Variants in CPPED1 observed in about 807,000 individuals in gnomAD.
CPPED1 encodes the protein calcineurin like phosphoesterase domain containing 1, also known as serine/threonine-protein phosphatase CPPED1.
A neutral mutation model predicts 28.0 loss-of-function variants in CPPED1; 28 were observed. That is an observed-to-expected ratio of 1.00 (90% CI 0.74 to 1.37). The LOEUF is 1.37. CPPED1 is among the 40% of genes most tolerant of loss of function. The pLI, the probability that CPPED1 is intolerant of heterozygous loss-of-function variation, is 0.00. For missense variants in CPPED1, 504 were observed against 416.5 expected (o/e 1.21, Z -1.83); for synonymous variants, 198 against 180.2 (o/e 1.10, Z -0.79).
At chr16:12,754,460 G>T (rs891086544) in intron 2 of CPPED1, among the ~76,000 whole-genome samples, 3 of 152,136 alleles carry the variant, frequency 2.0e-5, no homozygotes, top group African/African-American at 7.2e-5. Context: ...GGGAAGGGGG[G>T]CCCAATTTCT....
In CPPED1 at chr16:12,660,972, G is replaced by C. The variant is rs1365828115; in HGVS notation, c.*3914C>G. 1 of 152,186 alleles carries C rather than the reference G, an allele frequency of 6.6e-6. No homozygotes were observed. The highest frequency in any genetic ancestry group is 1.5e-5 in the Non-Finnish European group (1 of 68,036). 9.4% of individuals were successfully genotyped at this position (152,186 alleles called of 1,614,324 possible). ...CCACAAATATAAAAATAAAAAATTA[G>C]ATGTGGTGACACGAGCCTATAGTCC... On this transcript the variant is annotated 3_prime_UTR_variant, in exon 4 of 4. Transcript: ENST00000381774.
intron 2 of CPPED1, among the ~76,000 whole-genome samples, chr16:12,758,809 C>T (rs890690821): frequency 1.3e-5 from 2 of 151,982 alleles, no homozygotes; most frequent in African/African-American, 4.8e-5. Flanking sequence ...GGAACTGCAG[C>T]TGAATCTAGT....
chr16:12,726,136 G>A (rs1268206363), intron 2 of CPPED1, among the ~76,000 whole-genome samples: 2 of 152,014 alleles, frequency 1.3e-5, no homozygotes, highest in Admixed American at 6.5e-5. Flanking sequence ...CTGCCTCCTG[G>A]GTTCAAACGA....
At chr16:12,699,187 A>C (rs544053778) in intron 3 of CPPED1, among the ~76,000 whole-genome samples, 1 of 152,214 alleles carries the variant, frequency 6.6e-6, no homozygotes, top group African/African-American at 2.4e-5. Flanking sequence ...ACCAATTTCT[A>C]CATCCCTTGG....
At chr16:12,708,744 T>C (rs1205807604) in intron 2 of CPPED1, among the ~76,000 whole-genome samples, 4 of 152,190 alleles carry the variant, frequency 2.6e-5, no homozygotes, top group Non-Finnish European at 5.9e-5. Context: ...AACTTAGTAT[T>C]AACAAAGATC....
chr16:12,786,843 T>C (rs12918298), intron 1 of CPPED1, among the ~76,000 whole-genome samples: 85,585 of 151,964 alleles, frequency 0.56, 24,315 homozygotes, highest in South Asian at 0.71. Flanking sequence ...AACTGGGAGG[T>C]GGAGGTTGCA....
rs147098114 is a variant in CPPED1 at position 12,715,073 on chromosome 16, T to C, written c.290-10024A>G. Among the ~76,000 whole-genome samples, 9 of 152,288 alleles carry C rather than the reference T, an allele frequency of 5.9e-5. 1 individual carries two copies. The East Asian group carries it at 1.7e-3, about 29-fold the overall frequency. ...AGACTACCCTTTCCCCATTGAATTG[T>C]CTTGGCGCCCTTGTCAAAAATCCAT... On this transcript the variant is annotated intron_variant, in intron 2 of 3. Coordinates refer to ENST00000381774, the MANE Select transcript of CPPED1 (RefSeq NM_018340.3).
rs1441478403 is a variant in CPPED1, at chr16:12,682,700, G to C, written c.716-17585C>G. ...CAGGAAGCTGCGTGTCTTGTACTCA[G>C]GCAGCACTCAATAATTATACTTTCC... On this transcript the variant is annotated intron_variant, in intron 3 of 3. Transcript: ENST00000381774. The surrounding 1 kb of genome is among the most constrained non-coding windows in gnomAD (Gnocchi z 6.1). Among the ~76,000 whole-genome samples the C allele has an allele frequency of 6.6e-6, 1 of 152,242 alleles. No homozygotes were observed. The highest frequency in any genetic ancestry group is 1.9e-4 in the East Asian group (1 of 5,198).
chr16:12,749,596 T>G lies in CPPED1; in HGVS notation c.289+31589A>C, dbSNP rs576585850. Among the ~76,000 whole-genome samples the G allele has an allele frequency of 1.2e-3, 189 of 152,296 alleles. 4 individuals carry two copies. Among genetic ancestry groups the G allele is most frequent in the African/African-American group, 4.3e-3 (178 of 41,564 alleles). On this transcript the variant is annotated intron_variant, in intron 2 of 3. Transcript: ENST00000381774. ...CCTCCCACGAATCACAAATTTTGTT[T>G]GTTTGTTTGTTTTAGATGGAGTCTC...
At chr16:12,770,018 T>C (rs936957111) in intron 2 of CPPED1, among the ~76,000 whole-genome samples, 2 of 152,178 alleles carry the variant, frequency 1.3e-5, no homozygotes, top group Non-Finnish European at 2.9e-5. Context: ...CAGATCCTAC[T>C]TTAATATGAA....
intron 2 of CPPED1, chr16:12,757,943 C>T (rs1364442410): frequency 6.6e-6 from 1 of 151,708 alleles, no homozygotes; most frequent in Non-Finnish European, 1.5e-5. Context: ...ATTATTGAGG[C>T]AAATCATGCA....
chr16:12,782,268 T>C (rs1034119605), intron 1 of CPPED1, among the ~76,000 whole-genome samples: 9 of 152,190 alleles, frequency 5.9e-5, no homozygotes, highest in Non-Finnish European at 1.2e-4. Context: ...TAAAAAATTA[T>C]TTGGCCACAG....
intron 1 of CPPED1, among the ~76,000 whole-genome samples, chr16:12,786,287 C>A (rs774118307): frequency 6.6e-6 from 1 of 152,140 alleles, no homozygotes; most frequent in Non-Finnish European, 1.5e-5. Flanking sequence ...GTGACCTATG[C>A]GCACATCCAA....
intron 1 of CPPED1, among the ~76,000 whole-genome samples, chr16:12,786,288 G>A (rs539680756): frequency 2.2e-4 from 34 of 152,226 alleles, no homozygotes; most frequent in Non-Finnish European, 4.1e-4. Flanking sequence ...TGACCTATGC[G>A]CACATCCAAA....
At chr16:12,693,797 A>G (rs1051935178) in intron 3 of CPPED1, among the ~76,000 whole-genome samples, 2 of 152,234 alleles carry the variant, frequency 1.3e-5, no homozygotes, top group South Asian at 2.1e-4. Flanking sequence ...TTGAAACATG[A>G]TCTCAAAGGA....
intron 2 of CPPED1, among the ~76,000 whole-genome samples, chr16:12,723,722 G>A (rs994994353): frequency 3.3e-5 from 5 of 152,158 alleles, no homozygotes; most frequent in African/African-American, 1.2e-4. Flanking sequence ...AGGTGTGGTC[G>A]GAGCAGCTGT....
At chr16:12,739,542 T>C (rs1346504152) in intron 2 of CPPED1, among the ~76,000 whole-genome samples, 1 of 152,220 alleles carries the variant, frequency 6.6e-6, no homozygotes, top group Non-Finnish European at 1.5e-5. Context: ...GATCACACCA[T>C]TGCCCTCCAG....
At chr16:12,674,394 T>C (rs1264839944) in intron 3 of CPPED1, among the ~76,000 whole-genome samples, 1 of 152,284 alleles carries the variant, frequency 6.6e-6, no homozygotes, top group Admixed American at 6.5e-5. Flanking sequence ...GAAACACTTC[T>C]TGGGTTGGAG....
chr16:12,704,656 C>T lies in CPPED1; in HGVS notation c.683G>A (p.Arg228Gln), dbSNP rs753355629. Residue 228 changes from arginine (R) to glutamine (Q), a missense_variant, in exon 3 of 4, where the codon CGG becomes CAG. Coordinates refer to ENST00000381774, the MANE Select transcript of CPPED1 (RefSeq NM_018340.3). Reference sequence around the variant, plus strand: ...GATGAACTTGTCTGCCAACTTCTTCCGAGTGGACTTGCTGAGGTTGAAGTA... The same window carrying T: ...GATGAACTTGTCTGCCAACTTCTTCTGAGTGGACTTGCTGAGGTTGAAGTA... ...DYYFNLSKST[R>Q]KKLADKFIHA... 2.2e-5 allele frequency: 35 copies of T among 1,612,410 alleles called. No individual in the cohort carries two copies. Among genetic ancestry groups the T allele is most frequent in the African/African-American group, 8.0e-5 (6 of 74,906 alleles).
Sources: gnomAD v4.1 joint callset for allele counts (sites outside exome capture counted in the v4.1 genomes callset) on GRCh38, gnomAD v4.1.1 for gene constraint, Gnocchi (gnomAD v3.1) non-coding constraint, MANE v1.5 for transcripts, NCBI Gene and HGNC (gene_info 2026-07-23, HGNC 2026-07-21) for gene names.